LPAR1: variants seen among roughly 807,000 people sequenced by gnomAD.
LPAR1 encodes LPA receptor 1.
In LPAR1, 5 loss-of-function variants were observed where a neutral mutation model predicts 23.8. The ratio of observed to expected loss-of-function variants is 0.21; its 90% CI spans 0.11 to 0.44. The LOEUF (loss-of-function observed/expected upper bound fraction) is 0.44. LPAR1 is among the 20% of genes least tolerant of loss of function. LPAR1 has a pLI of 0.99. For missense variants in LPAR1, 311 were observed against 482.8 expected (o/e 0.64, Z 3.33); for synonymous variants, 160 against 164.7 (o/e 0.97, Z 0.22).
At chr9:110,983,490 G>A (rs958524141) in intron 2 of LPAR1, among the ~76,000 whole-genome samples, 3 of 152,034 alleles carry the variant, frequency 2.0e-5, no homozygotes, top group Non-Finnish European at 2.9e-5. Flanking sequence ...GCCAGGGACT[G>A]GGGGAGAGGG....
intron 2 of LPAR1, among the ~76,000 whole-genome samples, chr9:110,992,615 ATTG>A (rs2096917989): frequency 6.6e-6 from 1 of 151,544 alleles, no homozygotes; most frequent in Non-Finnish European, 1.5e-5. Flanking sequence ...GAATGGACAA[ATTG>A]TTATGTATCC....
At chr9:110,967,471 T>C (rs1428261174) in intron 4 of LPAR1, among the ~76,000 whole-genome samples, 1 of 152,246 alleles carries the variant, frequency 6.6e-6, no homozygotes, top group East Asian at 1.9e-4. Context: ...TGCTCTTTGT[T>C]ACCCAATGAA....
chr9:111,014,455 TTCTC>T (rs2097398039), intron 2 of LPAR1, among the ~76,000 whole-genome samples: 1 of 151,966 alleles, frequency 6.6e-6, no homozygotes, highest in Non-Finnish European at 1.5e-5. Context: ...CTTCCCATCC[TTCTC>T]TCTCTCTTAC....
chr9:110,997,226 T>C (rs767086871), intron 2 of LPAR1, among the ~76,000 whole-genome samples: 8 of 152,174 alleles, frequency 5.3e-5, no homozygotes, highest in Non-Finnish European at 8.8e-5. Flanking sequence ...AGATATTCCA[T>C]CATTTACTTA....
At chr9:110,938,295 C>T (rs2094859764) in intron 5 of LPAR1, among the ~76,000 whole-genome samples, 1 of 152,148 alleles carries the variant, frequency 6.6e-6, no homozygotes, top group Non-Finnish European at 1.5e-5. Context: ...TTCGAGTAGA[C>T]CAGAATTCTT....
intron 5 of LPAR1, among the ~76,000 whole-genome samples, chr9:110,895,307 AG>A (rs1434810767): frequency 6.6e-6 from 1 of 152,224 alleles, no homozygotes; most frequent in Non-Finnish European, 1.5e-5. Flanking sequence ...TTGCATAGCC[AG>A]AACAGCTGCT....
chr9:110,957,289 A>G (rs1013157025), intron 4 of LPAR1, among the ~76,000 whole-genome samples: 6 of 151,336 alleles, frequency 4.0e-5, no homozygotes, highest in African/African-American at 1.2e-4. Flanking sequence ...CCCAGGAGCT[A>G]TGATTATGCC....
At chr9:110,902,808 T>C (rs2089767471) in intron 5 of LPAR1, among the ~76,000 whole-genome samples, 1 of 152,118 alleles carries the variant, frequency 6.6e-6, no homozygotes, top group Non-Finnish European at 1.5e-5. Flanking sequence ...CTAGTGCCTG[T>C]CTCCAGGATA....
intron 2 of LPAR1, among the ~76,000 whole-genome samples, chr9:111,017,968 G>A (rs970114606): frequency 8.6e-5 from 13 of 152,028 alleles, no homozygotes; most frequent in Admixed American, 1.3e-4. Context: ...GCAGTGAGCC[G>A]AGATGGCGCC....
intron 5 of LPAR1, among the ~76,000 whole-genome samples, chr9:110,892,869 G>GCACA (rs2084993060): frequency 9.8e-6 from 1 of 102,466 alleles, no homozygotes; most frequent in Non-Finnish European, 2.3e-5. Context: ...AGGCAGGCAT[G>GCACA]CAGGCAGGCA....
intron 5 of LPAR1, among the ~76,000 whole-genome samples, chr9:110,892,323 G>A (rs2084476809): frequency 6.6e-6 from 1 of 152,152 alleles, no homozygotes; most frequent in African/African-American, 2.4e-5. Flanking sequence ...CACTAGAAAG[G>A]CCAGCACCAA....
intron 5 of LPAR1, among the ~76,000 whole-genome samples, chr9:110,938,636 T>C (rs1195273657): frequency 2.7e-5 from 4 of 150,540 alleles, no homozygotes; most frequent in Admixed American, 1.3e-4. Flanking sequence ...GGAAGATCAC[T>C]GGAACCCAGA....
rs560640275 is a variant in LPAR1 at position 110,875,234 on chromosome 9, A to T, written c.*187T>A. Reference sequence around the variant, plus strand: ...TGGGGATCAAGATGAGGGTTGTCACATAAGCTAATTTTCAATATATATCAA... The same window carrying T: ...TGGGGATCAAGATGAGGGTTGTCACTTAAGCTAATTTTCAATATATATCAA... On this transcript the variant is annotated 3_prime_UTR_variant, in exon 6 of 6. Transcript: ENST00000683809. The T allele has an allele frequency of 1.3e-4, 70 of 523,224 alleles. No homozygotes were observed. The highest frequency in any genetic ancestry group is 1.1e-3 in the African/African-American group (57 of 52,858). 32.4% of individuals were successfully genotyped at this position (523,224 alleles called of 1,614,324 possible). A position where few individuals can be genotyped will look rare whatever the true frequency, so the allele number is the denominator to read the frequency against.
At chr9:110,937,973 GC>G (rs1195918657) in intron 5 of LPAR1, among the ~76,000 whole-genome samples, 3 of 152,146 alleles carry the variant, frequency 2.0e-5, no homozygotes, top group African/African-American at 7.2e-5. Flanking sequence ...GCTAGGTTTG[GC>G]TCCCACATAG....
chr9:110,895,468 C>T (rs748864131), intron 5 of LPAR1, among the ~76,000 whole-genome samples: 1 of 152,222 alleles, frequency 6.6e-6, no homozygotes, highest in Non-Finnish European at 1.5e-5. Flanking sequence ...AAGGCAGAGG[C>T]CAGATCTTCT....
chr9:110,942,137 T>C lies in LPAR1; in HGVS notation c.77A>G (p.Tyr26Cys), dbSNP rs2095144187. The C allele has an allele frequency of 2.5e-6, 4 of 1,613,866 alleles. No homozygotes were observed. In the East Asian group the frequency reaches 8.9e-5, roughly 36 times the overall value. The change falls in exon 5 of 6, where the codon TAC becomes TGC. Residue 26 changes from tyrosine to cysteine, a missense_variant. This residue lies in a region of LPAR1 where 61 missense variants were observed against 55.6 expected (regional missense o/e 1.10). Transcript: ENST00000683809. ...FTAMNEPQCF[Y>C]NESIAFFYNR... The stretch of plus-strand genomic sequence containing the variant: ...ATAAAAGAAGGCAATGGACTCGTTG[T>C]AGAAGCACTGTGGTTCATTCATGGC...
At chr9:110,947,082 A>C (rs2095409644) in intron 4 of LPAR1, among the ~76,000 whole-genome samples, 1 of 152,212 alleles carries the variant, frequency 6.6e-6, no homozygotes, top group Admixed American at 6.5e-5. Flanking sequence ...ATAGGAGGAA[A>C]GCATAAGCAA....
In LPAR1 at chr9:110,985,015, C is replaced by T. The variant is rs1229511884; in HGVS notation, c.-181-11457G>A. ...GGAAAACAGGATGACAGAGACATGG[C>T]CATGCTAAACTTTTTATCTGGGTTA... On this transcript the variant is annotated intron_variant, in intron 2 of 5. Transcript: ENST00000683809. Among the ~76,000 whole-genome samples the T allele has an allele frequency of 5.3e-5, 8 of 151,938 alleles. No individual in the cohort carries two copies. In the East Asian group the frequency reaches 7.7e-4, roughly 15 times the overall value.
At chr9:110,986,580 A>C (rs1425196942) in intron 2 of LPAR1, among the ~76,000 whole-genome samples, 1 of 151,784 alleles carries the variant, frequency 6.6e-6, no homozygotes, top group Non-Finnish European at 1.5e-5. Context: ...AAAGTTAACT[A>C]TTCTAAAAAA....
Sources: allele counts gnomAD v4.1 joint callset (sites outside exome capture counted in the v4.1 genomes callset), GRCh38; gene constraint gnomAD v4.1.1; regional missense constraint gnomAD v4.1.1; transcripts MANE v1.5; gene names NCBI Gene and HGNC (gene_info 2026-07-23, HGNC 2026-07-21).